ATP13A4: variants seen among roughly 807,000 people sequenced by gnomAD.
ATP13A4 encodes the protein ATPase 13A4, also known as probable cation-transporting ATPase 13A4.
Under a neutral mutation model 142.5 loss-of-function variants are expected in ATP13A4, and 114 were observed. The observed-to-expected ratio is 0.80, with a 90% CI of 0.69 to 0.93. ATP13A4 has a LOEUF of 0.93. Among genes scored for constraint, ATP13A4 ranks in the 40% least tolerant of loss-of-function variants. The pLI, the probability that ATP13A4 is intolerant of heterozygous loss-of-function variation, is 0.00. For missense variants in ATP13A4, 1,392 were observed against 1,454.0 expected (o/e 0.96, Z 0.69); for synonymous variants, 488 against 514.8 (o/e 0.95, Z 0.70).
intron 7 of ATP13A4, among the ~76,000 whole-genome samples, chr3:193,488,966 G>A (rs1325898741): frequency 6.6e-6 from 1 of 152,142 alleles, no homozygotes; most frequent in Non-Finnish European, 1.5e-5. Context: ...AGAGTTCAGG[G>A]AAGGAGGGGG....
At chr3:193,456,007 TGGGGCCTGTTGTA>T (rs1180172018) in intron 16 of ATP13A4, among the ~76,000 whole-genome samples, 1 of 151,988 alleles carries the variant, frequency 6.6e-6, no homozygotes, top group Non-Finnish European at 1.5e-5. Context: ...CAACACATAC[TGGGGCCTGTTGTA>T]GGGTGGAGGG....
intron 1 of ATP13A4, among the ~76,000 whole-genome samples, chr3:193,587,774 T>C (rs1724695851): frequency 6.6e-6 from 1 of 152,184 alleles, no homozygotes; most frequent in South Asian, 2.1e-4. Context: ...GTAATATATT[T>C]AGTCTTAAAA....
At chr3:193,571,797 C>T (rs59347290) in intron 2 of ATP13A4, among the ~76,000 whole-genome samples, 1 of 152,032 alleles carries the variant, frequency 6.6e-6, no homozygotes, top group Non-Finnish European at 1.5e-5. Context: ...ACGCATCAAT[C>T]TAATGTGGTA....
At chr3:193,540,790 G>GA (rs11360544) in intron 1 of ATP13A4, among the ~76,000 whole-genome samples, 6 of 151,318 alleles carry the variant, frequency 4.0e-5, no homozygotes, top group Middle Eastern at 3.4e-3. Flanking sequence ...AAATTTAATT[G>GA]AAAAAAAAGG....
At chr3:193,481,795 T>C (rs1216803268) in intron 8 of ATP13A4, among the ~76,000 whole-genome samples, 1 of 152,188 alleles carries the variant, frequency 6.6e-6, no homozygotes, top group Admixed American at 6.5e-5. Flanking sequence ...TTTGTGACCA[T>C]TGTTTATGTT....
chr3:193,586,006 G>A (rs1484276005), intron 1 of ATP13A4, among the ~76,000 whole-genome samples: 1 of 151,860 alleles, frequency 6.6e-6, no homozygotes, highest in East Asian at 1.9e-4. Context: ...TCATTTCTCC[G>A]ATGACTAATA....
chr3:193,498,908 T>C (rs1398216684), intron 3 of ATP13A4, among the ~76,000 whole-genome samples: 1 of 152,218 alleles, frequency 6.6e-6, no homozygotes, highest in Non-Finnish European at 1.5e-5. Flanking sequence ...AAAGACCATA[T>C]AGCTGGCACA....
chr3:193,438,516 AG>A lies in ATP13A4; in HGVS notation c.2630del (p.Thr877IlefsTer36). ...EQEASVASPFTSKTPNIECVP... is the reference protein window; with the variant it reads ...EQEASVASPFXSKTPNIECVP... ...CGCACTCAATGTTTGGAGTTTTGGAAGTGAAAGGTGAGGCCACAGATGCCTC... is the reference window on the plus strand; with the variant it reads ...CGCACTCAATGTTTGGAGTTTTGGAATGAAAGGTGAGGCCACAGATGCCTC... On this transcript the variant is annotated frameshift_variant, in exon 23 of 30. Transcript: ENST00000342695. LOFTEE classifies it high-confidence loss of function. The A allele has an allele frequency of 6.2e-7, 1 of 1,614,200 alleles. No individual in the cohort carries two copies. Among genetic ancestry groups the A allele is most frequent in the Non-Finnish European group, 8.5e-7 (1 of 1,180,032 alleles).
chr3:193,412,564 G>A (rs1316654616), intron 26 of ATP13A4, among the ~76,000 whole-genome samples, 193 bp from the exon 27 acceptor site: 1 of 149,912 alleles, frequency 6.7e-6, no homozygotes, highest in East Asian at 2.0e-4. Context: ...CTGAAAAATA[G>A]GGGAAAAAAT....
intron 12 of ATP13A4, 143 bp from the exon 13 acceptor site, chr3:193,462,966 G>A (rs1447432638): frequency 2.7e-6 from 2 of 737,320 alleles, no homozygotes; most frequent in Non-Finnish European, 4.5e-6. Flanking sequence ...GCAACATAAT[G>A]AAACCACCTC....
At chr3:193,416,577 G>C (rs13087108) in intron 25 of ATP13A4, among the ~76,000 whole-genome samples, 2 of 152,132 alleles carry the variant, frequency 1.3e-5, no homozygotes, top group African/African-American at 4.8e-5. Context: ...AACTTCAGCA[G>C]ACTTGAGCAG....
chr3:193,526,483 T>C (rs1722011022), intron 1 of ATP13A4, among the ~76,000 whole-genome samples: 1 of 152,076 alleles, frequency 6.6e-6, no homozygotes, highest in South Asian at 2.1e-4. Flanking sequence ...GGGAGAGCAT[T>C]AGGACAAATA....
At chr3:193,474,568 A>AGAAAGAAG (rs1560214100) in intron 8 of ATP13A4, among the ~76,000 whole-genome samples, 1 of 149,584 alleles carries the variant, frequency 6.7e-6, no homozygotes, top group Non-Finnish European at 1.5e-5. Flanking sequence ...AAAGAGAGAG[A>AGAAAGAAG]GAAAGAAGGA....
chr3:193,495,947 T>C (rs899491864), intron 3 of ATP13A4, among the ~76,000 whole-genome samples: 3 of 151,854 alleles, frequency 2.0e-5, no homozygotes, highest in African/African-American at 7.3e-5. Flanking sequence ...GAAAAAGAAA[T>C]CAAGAAGCTA....
chr3:193,489,229 T>C (rs1323825631), intron 7 of ATP13A4, among the ~76,000 whole-genome samples: 1 of 152,136 alleles, frequency 6.6e-6, no homozygotes, highest in African/African-American at 2.4e-5. Flanking sequence ...GGATTTATAG[T>C]GCAACCAACC....
At chr3:193,570,348 C>T (rs1396313238) in intron 2 of ATP13A4, among the ~76,000 whole-genome samples, 1 of 152,120 alleles carries the variant, frequency 6.6e-6, no homozygotes, top group Non-Finnish European at 1.5e-5. Context: ...TAGTAAGCCA[C>T]ATAATATATG....
At chr3:193,509,195 C>T (rs762957935) in intron 2 of ATP13A4, among the ~76,000 whole-genome samples, 18 of 152,202 alleles carry the variant, frequency 1.2e-4, no homozygotes, top group Admixed American at 1.1e-3. Flanking sequence ...CACCTTTTAA[C>T]TCTTATCCTT....
intron 8 of ATP13A4, among the ~76,000 whole-genome samples, chr3:193,475,088 A>G (rs1254735529): frequency 6.6e-6 from 1 of 152,102 alleles, no homozygotes; most frequent in Non-Finnish European, 1.5e-5. Context: ...AAATTTTGGC[A>G]ATATTTTTCT....
In ATP13A4 at chr3:193,465,099, G is replaced by A. The variant is rs757562841; in HGVS notation, c.1302C>T (p.Ala434=). 1 of 1,613,990 alleles carries A rather than the reference G, an allele frequency of 6.2e-7. No individual in the cohort carries two copies. The highest frequency in any genetic ancestry group is 1.3e-5 in the African/African-American group (1 of 75,012). Residue 434 remains alanine (A), a synonymous_variant, in exon 12 of 30, where the codon GCC becomes GCT. Transcript: ENST00000342695. The part of the protein sequence containing the change: ...GEPPEEVVRK[A]LDVITIAVPP... ...GAACCGCAATTGTGATGACGTCAAG[G>A]GCTTTCCTCACCACCTCCTCTGGAG... is the stretch of plus-strand genomic sequence containing the variant.
Sources: gnomAD v4.1 joint callset for allele counts (sites outside exome capture counted in the v4.1 genomes callset) on GRCh38, gnomAD v4.1.1 for gene constraint, MANE v1.5 for transcripts, NCBI Gene and HGNC (gene_info 2026-07-23, HGNC 2026-07-21) for gene names.